The following DPP10 variants were observed in gnomAD, a reference collection of about 807,000 sequenced individuals.
DPP10 encodes the protein dipeptidyl peptidase like 10.
DPP10 carries 33 observed loss-of-function variants against 120.9 expected under a neutral mutation model. The observed-to-expected ratio is 0.27, with a 90% confidence interval of 0.21 to 0.37. The LOEUF (loss-of-function observed/expected upper bound fraction) is 0.37. Among genes scored for constraint, DPP10 ranks in the 10% least tolerant of loss-of-function variants. DPP10 has a pLI of 1.00. For synonymous variants in DPP10, 337 were observed against 326.1 expected, an observed-to-expected ratio of 1.03 and a Z score of -0.36; for missense variants, 816 against 942.8, an observed-to-expected ratio of 0.87 and a Z score of 1.76.
intron 1 of DPP10, among the ~76,000 whole-genome samples, chr2:114,525,950 CTATT>C (rs764122987): frequency 1.9e-4 from 29 of 152,174 alleles, no homozygotes; most frequent in Non-Finnish European, 3.8e-4. Flanking sequence ...ATGTCTCCCT[CTATT>C]TAGGCACAAG....
rs1403187999 is a variant in DPP10 at position 115,202,024 on chromosome 2, CTG to C, written c.61-107212_61-107211del. ...TCTCAATTTTGTGTTAAATTAATAT[CTG>C]TGCATTCTTAAGATGCTATTTATCA... On this transcript the variant is annotated intron_variant, in intron 1 of 25. Transcript: ENST00000410059. Among the ~76,000 whole-genome samples, 19 of 152,194 alleles carry C rather than the reference CTG, an allele frequency of 1.2e-4. No individual in the cohort carries two copies. In the East Asian group the frequency reaches 3.7e-3, roughly 29 times the overall value.
chr2:114,508,712 A>C (rs1683883926), intron 1 of DPP10, among the ~76,000 whole-genome samples: 1 of 151,930 alleles, frequency 6.6e-6, no homozygotes, highest in South Asian at 2.1e-4. Flanking sequence ...GCCGACTTTC[A>C]TTTATCTAGC....
At chr2:114,787,018 G>T (rs1682824853) in intron 1 of DPP10, among the ~76,000 whole-genome samples, 1 of 152,106 alleles carries the variant, frequency 6.6e-6, no homozygotes, top group African/African-American at 2.4e-5. Flanking sequence ...CTCTCTCATG[G>T]GGTTCACATT....
At chr2:114,865,773 A>G (rs770779493) in intron 1 of DPP10, among the ~76,000 whole-genome samples, 6 of 152,118 alleles carry the variant, frequency 3.9e-5, no homozygotes, top group African/African-American at 1.4e-4. Flanking sequence ...GGTAAAGCCA[A>G]TCTTGATGTC....
At chr2:115,114,341 A>G (rs116419138) in intron 1 of DPP10, among the ~76,000 whole-genome samples, 376 of 152,334 alleles carry the variant, frequency 2.5e-3, no homozygotes, top group Non-Finnish European at 4.1e-3. Context: ...AAAGACATAG[A>G]AAAAGAGAAA....
At chr2:114,765,876 G>A (rs1680664495) in intron 1 of DPP10, among the ~76,000 whole-genome samples, 1 of 151,964 alleles carries the variant, frequency 6.6e-6, no homozygotes, top group Non-Finnish European at 1.5e-5. Flanking sequence ...CTGGCTCCAA[G>A]CATAAGTAAT....
chr2:115,538,619 G>C (rs1483971909), intron 5 of DPP10, among the ~76,000 whole-genome samples: 1 of 151,866 alleles, frequency 6.6e-6, no homozygotes, highest in Admixed American at 6.6e-5. Context: ...TAAAAATCTG[G>C]CTCCCAAAAT....
In DPP10 at chr2:114,885,417, C is replaced by T. The variant is rs192969329; in HGVS notation, c.61-423822C>T. The stretch of plus-strand genomic sequence containing the variant: ...TCCCACCAGGTCCCCCCTTCAGTAC[C>T]GGGGATTACAATTCAACATGAGACT... On this transcript the variant is annotated intron_variant, in intron 1 of 25. Coordinates refer to ENST00000410059, the MANE Select transcript of DPP10 (RefSeq NM_020868.6). Among the ~76,000 whole-genome samples the T allele has an allele frequency of 1.7e-3, 260 of 152,260 alleles. 1 individual carries two copies. Among genetic ancestry groups the T allele is most frequent in the Non-Finnish European group, 2.4e-3 (162 of 68,020 alleles).
At chr2:115,545,908 G>C (rs746540048) in intron 5 of DPP10, among the ~76,000 whole-genome samples, 11 of 152,066 alleles carry the variant, frequency 7.2e-5, no homozygotes, top group Non-Finnish European at 1.2e-4. Flanking sequence ...TGCAGTAAAA[G>C]TAGATGTCAT....
chr2:114,736,736 C>A (rs1677478174), intron 1 of DPP10, among the ~76,000 whole-genome samples: 1 of 152,128 alleles, frequency 6.6e-6, no homozygotes, highest in South Asian at 2.1e-4. Context: ...CTATACAGTG[C>A]AAATTGAGAA....
chr2:115,472,714 T>A (rs186253911), intron 3 of DPP10, among the ~76,000 whole-genome samples: 1 of 152,346 alleles, frequency 6.6e-6, no homozygotes, highest in Admixed American at 6.5e-5. Flanking sequence ...GCTATTCATT[T>A]CTTTATTTCA....
intron 2 of DPP10, among the ~76,000 whole-genome samples, chr2:115,327,846 G>T (rs1036427970): frequency 6.6e-6 from 1 of 151,952 alleles, no homozygotes. Context: ...TTTAAATTGA[G>T]GCTATATGGC....
intron 1 of DPP10, among the ~76,000 whole-genome samples, chr2:114,690,161 C>A (rs111802151): frequency 1.6e-4 from 24 of 152,070 alleles, no homozygotes; most frequent in African/African-American, 5.3e-4. Flanking sequence ...TTTGCCCATG[C>A]CTATATACTG....
intron 1 of DPP10, among the ~76,000 whole-genome samples, chr2:114,499,241 A>G (rs1165268868): frequency 1.3e-5 from 2 of 152,172 alleles, no homozygotes; most frequent in East Asian, 3.9e-4. Flanking sequence ...ATGAGACACC[A>G]GGGCACATGC....
intron 5 of DPP10, among the ~76,000 whole-genome samples, chr2:115,663,094 C>T (rs2089140729): frequency 6.6e-6 from 1 of 152,040 alleles, no homozygotes; most frequent in Non-Finnish European, 1.5e-5. Flanking sequence ...GAAATAAGCA[C>T]ATCATGGAAA....
At chr2:114,903,485 A>G (rs1037738540) in intron 1 of DPP10, among the ~76,000 whole-genome samples, 5 of 152,130 alleles carry the variant, frequency 3.3e-5, no homozygotes, top group Non-Finnish European at 7.4e-5. Flanking sequence ...ATTCTAATAG[A>G]TGTGTAGTGG....
At chr2:114,609,962 T>C (rs116287241) in intron 1 of DPP10, among the ~76,000 whole-genome samples, 52 of 152,326 alleles carry the variant, frequency 3.4e-4, no homozygotes, top group African/African-American at 1.3e-3. Flanking sequence ...AATAGAGATC[T>C]GAGCTGCAAT....
chr2:114,825,692 AT>A (rs1446581399), intron 1 of DPP10, among the ~76,000 whole-genome samples: 1 of 152,204 alleles, frequency 6.6e-6, no homozygotes, highest in Non-Finnish European at 1.5e-5. Flanking sequence ...AGAATTTGAG[AT>A]AAAGAGACAT....
At chr2:114,479,249 A>G (rs1180857096) in intron 1 of DPP10, among the ~76,000 whole-genome samples, 1 of 152,158 alleles carries the variant, frequency 6.6e-6, no homozygotes, top group Admixed American at 6.6e-5. Context: ...CTTATTCTCA[A>G]ATTTATATAG....
Sources: gnomAD v4.1 joint callset for allele counts (sites outside exome capture counted in the v4.1 genomes callset) on GRCh38, gnomAD v4.1.1 for gene constraint, MANE v1.5 for transcripts, NCBI Gene and HGNC (gene_info 2026-07-23, HGNC 2026-07-21) for gene names.